The following MMP19 variants were observed in gnomAD, a reference collection of about 807,000 sequenced individuals.
MMP19 encodes matrix metalloproteinase-19.
MMP19 carries 47 observed loss-of-function variants against 46.6 expected under a neutral mutation model. The observed-to-expected ratio is 1.01, with a 90% CI of 0.80 to 1.29. MMP19 has a LOEUF of 1.29. Ranked by LOEUF, MMP19 falls within the 50% of genes most tolerant of loss-of-function variation. The pLI is 0.00. For missense variants in MMP19, 589 were observed against 643.5 expected, an observed-to-expected ratio of 0.92 and a Z score of 0.92; for synonymous variants, 222 against 248.5, an observed-to-expected ratio of 0.89 and a Z score of 1.00.
chr12:55,840,240 G>C (rs935548698), intron 4 of MMP19, among the ~76,000 whole-genome samples: 1 of 151,732 alleles, frequency 6.6e-6, no homozygotes, highest in African/African-American at 2.4e-5. Context: ...CTTGAGCCTG[G>C]GAGGTTGAGG....
chr12:55,839,183 A>G (rs1881486029), intron 5 of MMP19, among the ~76,000 whole-genome samples: 1 of 149,006 alleles, frequency 6.7e-6, no homozygotes, highest in Admixed American at 6.8e-5. Context: ...CGGAGGTTGC[A>G]GTGAGCCAAG....
rs377159707 is a variant in MMP19 at position 55,840,812 on chromosome 12, G to A, written c.375C>T (p.Ala125=). The stretch of plus-strand genomic sequence containing the variant: ...GGAAGGCTTGACGCAGGGCTGCCCG[G>A]GCTGTGTGGGGTGGAAGGGTGGAGG... ...NLPSTLPPHT[A]RAALRQAFQD... The change falls in exon 4 of 9, where the codon GCC becomes GCT. Residue 125 remains alanine (A), a synonymous_variant. Transcript: ENST00000322569. 1 of 1,611,822 alleles carries A rather than the reference G, an allele frequency of 6.2e-7. No homozygotes were observed. Among genetic ancestry groups the A allele is most frequent in the Non-Finnish European group, 8.5e-7 (1 of 1,178,254 alleles).
rs1444729744 is a variant in MMP19, at chr12:55,842,926, C to A, written c.-96G>T. 10 of 914,118 alleles carry A rather than the reference C, an allele frequency of 1.1e-5. No homozygotes were observed. The highest frequency in any genetic ancestry group is 1.7e-6 in the Non-Finnish European group (1 of 586,802). The allele number at this position is 914,118 out of a possible 1,614,324, so 56.6% of individuals were successfully genotyped here. ...GCAGTGCTAGGCAGAGGGGCTCTTA[C>A]CCCCAGTTCTTTTTACTCTCCAGCC... On this transcript the variant is annotated 5_prime_UTR_variant, in exon 1 of 9. Transcript: ENST00000322569.
At position 55,836,416 on chromosome 12, in the gene MMP19, C is replaced by T. The variant is rs1018329887; in HGVS notation, c.*620G>A. 6.6e-6 allele frequency: 1 copy of T among 152,296 alleles called. No individual in the cohort carries two copies. The highest frequency in any genetic ancestry group is 6.5e-5 in the Admixed American group (1 of 15,288). The allele number at this position is 152,296 out of a possible 1,614,324, so 9.4% of individuals were successfully genotyped here. On this transcript the variant is annotated 3_prime_UTR_variant, in exon 9 of 9. Transcript: ENST00000322569. Reference sequence around the variant, plus strand: ...CCAGACAGCTAGAGGAAGAGCTGTTCAGTCCTCTCTTATGAACATGGAGTT... The same window carrying T: ...CCAGACAGCTAGAGGAAGAGCTGTTTAGTCCTCTCTTATGAACATGGAGTT...
chr12:55,838,852 G>A (rs112390036), intron 5 of MMP19, 118 bp from the exon 6 acceptor site: 22 of 795,790 alleles, frequency 2.8e-5, no homozygotes, highest in African/African-American at 2.2e-4. Flanking sequence ...ATCCTAGAGC[G>A]TTTTCATTTG....
Position 55,841,106 on chromosome 12 carries a change from C to G in MMP19, c.304G>C (p.Gly102Arg). 6.2e-7 allele frequency: 1 copy of G among 1,611,298 alleles called. No homozygotes were observed. Among genetic ancestry groups the G allele is most frequent in the Non-Finnish European group, 8.5e-7 (1 of 1,178,706 alleles). ...NQKTLKYLLL[G>R]RWRKKHLTFR... ...TCTCTTTTCCAGGCTCTGTTCTCAC[C>G]CAGCAACAGGTATTTAAGGGTCTTC... The change falls in exon 3 of 9, where the codon GGC becomes CGC. Residue 102 changes from glycine to arginine, a missense_variant and splice_region_variant. Transcript: ENST00000322569.
In MMP19 at chr12:55,839,917, C is replaced by A. The variant is rs12322179; in HGVS notation, c.521-176G>T. 2,747 of 849,166 alleles carry A rather than the reference C, an allele frequency of 3.2e-3. 56 individuals carry two copies. The Admixed American group carries it at 0.038, about 12-fold the overall frequency. The allele number at this position is 849,166 out of a possible 1,614,324, so 52.6% of individuals were successfully genotyped here. On this transcript the variant is annotated intron_variant, in intron 4 of 8. Coordinates refer to ENST00000322569, the MANE Select transcript of MMP19 (RefSeq NM_002429.6). ...TTCCCCTGTCATCACCCAGTTCTCTCAGGAATGCCCATCACTGTCCCTTAC... is the reference window on the plus strand; with the variant it reads ...TTCCCCTGTCATCACCCAGTTCTCTAAGGAATGCCCATCACTGTCCCTTAC...
intron 6 of MMP19, chr12:55,838,387 A>T: frequency 1.0e-6 from 1 of 970,450 alleles, no homozygotes; most frequent in Non-Finnish European, 1.6e-6. Context: ...AGTGGCCCTT[A>T]GAGCGTGGCA....
intron 8 of MMP19, 65 bp from the exon 9 acceptor site, chr12:55,837,439 C>CA: frequency 6.3e-7 from 1 of 1,575,916 alleles, no homozygotes; most frequent in African/African-American, 1.4e-5. Flanking sequence ...CCCAGGGGTC[C>CA]ACCCCCAGCC....
chr12:55,842,803 A>G lies in MMP19; in HGVS notation c.28T>C (p.Phe10Leu), dbSNP rs777421991. Residue 10 changes from phenylalanine to leucine, a missense_variant, in exon 1 of 9, where the codon TTC (phenylalanine) becomes CTC (leucine). Transcript: ENST00000322569. The part of the protein sequence containing the change: MNCQQLWLG[F>L]LLPMTVSGRV... ...CCTGAGACTGTCATGGGGAGTAGGAAGCCCAGCCACAGCTGCTGGCAGTTC... is the reference window on the plus strand; with the variant it reads ...CCTGAGACTGTCATGGGGAGTAGGAGGCCCAGCCACAGCTGCTGGCAGTTC... The G allele has an allele frequency of 6.2e-7, 1 of 1,604,442 alleles. No individual in the cohort carries two copies. Among genetic ancestry groups the G allele is most frequent in the Non-Finnish European group, 8.5e-7 (1 of 1,175,894 alleles).
intron 6 of MMP19, chr12:55,838,339 T>C (rs955841711): frequency 3.9e-5 from 28 of 716,228 alleles, no homozygotes; most frequent in East Asian, 1.1e-4. Context: ...CTGGGTAATA[T>C]AGTTTTCTCC....
At position 55,837,066 on chromosome 12, in the gene MMP19, G is replaced by A. The variant is rs755565810; in HGVS notation, c.1497C>T (p.Leu499=). 3.2e-6 allele frequency: 5 copies of A among 1,583,994 alleles called. No individual in the cohort carries two copies. The highest frequency in any genetic ancestry group is 4.3e-6 in the Non-Finnish European group (5 of 1,162,238). ...SGTGITLDTT[L]SATETTFEY ...ATTCAAACGTGGTTTCTGTGGCTGA[G>A]AGAGTGGTATCCAAGGTTATGCCCG... The change falls in exon 9 of 9, where the codon CTC becomes CTT. Residue 499 remains leucine (L), a synonymous_variant. Transcript: ENST00000322569.
At chr12:55,838,085 T>A in intron 6 of MMP19, 78 bp from the exon 7 acceptor site, 1 of 1,382,996 alleles carries the variant, frequency 7.2e-7, no homozygotes. Context: ...TCAGGCTGAC[T>A]AACAATTTGC....
chr12:55,835,467 CA>C lies in MMP19; in HGVS notation c.*1568del. 1 of 152,302 alleles carries C rather than the reference CA, an allele frequency of 6.6e-6. No individual in the cohort carries two copies. Among genetic ancestry groups the C allele is most frequent in the South Asian group, 2.1e-4 (1 of 4,814 alleles). The allele number at this position is 152,302 out of a possible 1,614,324, so 9.4% of individuals were successfully genotyped here. On this transcript the variant is annotated 3_prime_UTR_variant, in exon 9 of 9. Coordinates refer to ENST00000322569, the MANE Select transcript of MMP19 (RefSeq NM_002429.6). ...ATTCGTTTTTATTTTTTTGCAGAGA[CA>C]GGGTCTCCCTATGTTGCCCAAGCTG...
chr12:55,842,699 C>G (rs780072719), intron 1 of MMP19, 45 bp downstream of exon 1: 3 of 1,486,910 alleles, frequency 2.0e-6, no homozygotes, highest in South Asian at 2.4e-5. Context: ...GGAGCAGTAA[C>G]CCCTGTCCCT....
intron 4 of MMP19, 48 bp downstream of exon 4, chr12:55,840,619 A>C (rs763049031): frequency 1.3e-6 from 2 of 1,551,432 alleles, no homozygotes; most frequent in Non-Finnish European, 1.8e-6. Context: ...AAGGAGACAG[A>C]GGTAATCTCA....
chr12:55,838,110 C>T (rs1250256431), intron 6 of MMP19, 103 bp from the exon 7 acceptor site: 4 of 1,083,306 alleles, frequency 3.7e-6, no homozygotes, highest in Non-Finnish European at 5.3e-6. Context: ...TCCCTGCAGG[C>T]TGATTCTTCA....
In MMP19 at chr12:55,842,935, C is replaced by G. The variant is rs1389062081; in HGVS notation, c.-105G>C. On this transcript the variant is annotated 5_prime_UTR_variant, in exon 1 of 9. Coordinates refer to ENST00000322569, the MANE Select transcript of MMP19 (RefSeq NM_002429.6). Reference sequence around the variant, plus strand: ...GGCAGAGGGGCTCTTACCCCCAGTTCTTTTTACTCTCCAGCCTCTAGTCCT... The same window carrying G: ...GGCAGAGGGGCTCTTACCCCCAGTTGTTTTTACTCTCCAGCCTCTAGTCCT... 1.2e-6 allele frequency: 1 copy of G among 824,582 alleles called. No homozygotes were observed. The highest frequency in any genetic ancestry group is 1.7e-5 in the African/African-American group (1 of 58,678). The allele number at this position is 824,582 out of a possible 1,614,324, so 51.1% of individuals were successfully genotyped here. A position where few individuals can be genotyped will look rare whatever the true frequency, so the allele number is the denominator to read the frequency against.
chr12:55,838,426 T>A, intron 6 of MMP19, 180 bp downstream of exon 6: 1 of 1,503,118 alleles, frequency 6.7e-7, no homozygotes. Context: ...CTAAGCCACC[T>A]TTAATTTGGC....
Sources: gnomAD v4.1 joint callset for allele counts (sites outside exome capture counted in the v4.1 genomes callset) on GRCh38, gnomAD v4.1.1 for gene constraint, MANE v1.5 for transcripts, NCBI Gene and HGNC (gene_info 2026-07-23, HGNC 2026-07-21) for gene names.